The following CNGB3 variants were observed in gnomAD, a reference collection of about 807,000 sequenced individuals.
The protein encoded by CNGB3 is cyclic nucleotide gated channel subunit beta 3.
Under a neutral mutation model 92.8 loss-of-function variants are expected in CNGB3, and 86 were observed. The observed-to-expected ratio is 0.93, with a 90% CI of 0.78 to 1.11. The LOEUF (loss-of-function observed/expected upper bound fraction) is 1.11, where lower values mean the gene tolerates loss of function less well. CNGB3 is among the 50% of genes least tolerant of loss of function. The pLI is 0.00. For synonymous variants in CNGB3, 333 were observed against 332.7 expected, an observed-to-expected ratio of 1.00 and a Z score of -0.01; for missense variants, 1,026 against 956.8, an observed-to-expected ratio of 1.07 and a Z score of -0.95.
intron 13 of CNGB3, among the ~76,000 whole-genome samples, chr8:86,621,921 G>T (rs530808438): frequency 6.6e-6 from 1 of 152,162 alleles, no homozygotes; most frequent in South Asian, 2.1e-4. Flanking sequence ...AAATTAGCTG[G>T]GCATGGTGGC....
At chr8:86,593,850 C>T (rs1585955879) in intron 15 of CNGB3, 2 of 846,540 alleles carry the variant, frequency 2.4e-6, no homozygotes, top group East Asian at 2.9e-5. Flanking sequence ...AAATTGAACT[C>T]CTGGACCCCG....
chr8:86,663,499 C>T (rs1038531404), intron 6 of CNGB3, among the ~76,000 whole-genome samples: 7 of 152,202 alleles, frequency 4.6e-5, no homozygotes, highest in African/African-American at 1.7e-4. Context: ...AATCTGTTGT[C>T]TGTTACTTGC....
chr8:86,737,485 G>A (rs779877659), intron 2 of CNGB3, among the ~76,000 whole-genome samples: 4 of 151,914 alleles, frequency 2.6e-5, no homozygotes, highest in Non-Finnish European at 5.9e-5. Context: ...TGTTCAGAGC[G>A]GTCCTTTTTT....
intron 9 of CNGB3, among the ~76,000 whole-genome samples, chr8:86,644,095 G>T (rs532644140): frequency 1.3e-5 from 2 of 150,950 alleles, no homozygotes; most frequent in South Asian, 4.2e-4. Flanking sequence ...AAAAGAAAAA[G>T]AAAACTTCCT....
chr8:86,579,012 AG>A, intron 16 of CNGB3, 93 bp downstream of exon 16: 1 of 1,569,138 alleles, frequency 6.4e-7, no homozygotes, highest in Non-Finnish European at 8.8e-7. Flanking sequence ...ACTGTGATCA[AG>A]TTTATCACAA....
intron 4 of CNGB3, among the ~76,000 whole-genome samples, chr8:86,669,595 A>T (rs558943046): frequency 1.3e-5 from 2 of 152,296 alleles, no homozygotes; most frequent in African/African-American, 4.8e-5. Flanking sequence ...ATATATCTTT[A>T]TCGAAGTATA....
intron 6 of CNGB3, chr8:86,661,728 G>A: frequency 1.3e-6 from 2 of 1,541,050 alleles, no homozygotes; most frequent in Non-Finnish European, 1.8e-6. Flanking sequence ...ATGGGTAGTG[G>A]TTGATCTAGC....
At chr8:86,582,203 G>A (rs546352621) in intron 15 of CNGB3, among the ~76,000 whole-genome samples, 15 of 152,118 alleles carry the variant, frequency 9.9e-5, no homozygotes, top group South Asian at 4.1e-4. Flanking sequence ...AGACCAGCCT[G>A]GGCAACATGG....
chr8:86,587,418 T>A (rs555603831), intron 15 of CNGB3, among the ~76,000 whole-genome samples: 108 of 152,238 alleles, frequency 7.1e-4, no homozygotes, highest in African/African-American at 2.4e-3. Flanking sequence ...TGCCCATGCC[T>A]ATGTCCTGAA....
rs1822839562 is a variant in CNGB3 at position 86,626,031 on chromosome 8, G to A, written c.1530C>T (p.Leu510=). The A allele has an allele frequency of 1.2e-6, 2 of 1,613,832 alleles. No individual in the cohort carries two copies. The highest frequency in any genetic ancestry group is 1.3e-5 in the African/African-American group (1 of 75,014). ...KTLPTTVQLA[L]AIDVNFSIIS... ...TGATGCTGAAGTTCACATCAATGGC[G>A]AGGGCTAACTGGACCGTAGTTGGTA... is the stretch of plus-strand genomic sequence containing the variant. The change falls in exon 13 of 18, where the codon CTC becomes CTT. Residue 510 remains leucine (L), a synonymous_variant. Transcript: ENST00000320005.
Position 86,628,942 on chromosome 8 carries a change from G to A in CNGB3, c.1457C>T (p.Thr486Ile), listed in dbSNP as rs1439140173. Residue 486 changes from threonine (T) to isoleucine (I), a missense_variant, in exon 12 of 18, where the codon ACA (threonine) becomes ATA (isoleucine). Thr to Ile is a moderately conservative substitution (Grantham distance 89). Transcript: ENST00000320005. ...ACCTAGCATTCTTTGAGAGTCCCAT[G>A]TATATTCATACCAAGTCCGAACTCG... ...QKRVRTWYEY[T>I]WDSQRMLDES... is the part of the protein sequence containing the mutation. 2 of 1,613,874 alleles carry A rather than the reference G, an allele frequency of 1.2e-6. No homozygotes were observed. Among genetic ancestry groups the A allele is most frequent in the South Asian group, 2.2e-5 (2 of 91,084 alleles).
intron 15 of CNGB3, among the ~76,000 whole-genome samples, chr8:86,583,754 T>C (rs1821837328): frequency 6.6e-6 from 1 of 151,676 alleles, no homozygotes; most frequent in Non-Finnish European, 1.5e-5. Context: ...ATCCCATCTC[T>C]ACAAAAAATA....
intron 7 of CNGB3, among the ~76,000 whole-genome samples, chr8:86,652,580 T>C (rs1028648682): frequency 6.6e-6 from 1 of 151,992 alleles, no homozygotes; most frequent in Non-Finnish European, 1.5e-5. Context: ...TTTTAAAATG[T>C]TTTTATTTTT....
At chr8:86,735,225 C>T (rs1825229812) in intron 2 of CNGB3, among the ~76,000 whole-genome samples, 1 of 146,204 alleles carries the variant, frequency 6.8e-6, no homozygotes, top group South Asian at 2.2e-4. Context: ...TCCCTGCAAG[C>T]TCCGCTTCCA....
intron 15 of CNGB3, among the ~76,000 whole-genome samples, chr8:86,595,012 G>A (rs1220910163): frequency 6.6e-6 from 1 of 152,094 alleles, no homozygotes; most frequent in Non-Finnish European, 1.5e-5. Flanking sequence ...GTGAGCCACC[G>A]CACCCAGCTG....
rs1825065403 is a variant in CNGB3, at chr8:86,726,631, C to A, written c.238G>T (p.Gly80Ter). ...GGGTCAGGGTTTGTGGTCAGATCTC[C>A]AGAGGAATTTTTCTTGGAGAGTTTG... is the stretch of plus-strand genomic sequence containing the variant. ...QDKLSKKNSS[G>*]DLTTNPDPQN... The change falls in exon 3 of 18, where the codon GGA becomes TGA. Residue 80 changes from glycine (G) to a stop codon, truncating the protein, a stop_gained. Transcript: ENST00000320005. LOFTEE classifies it high-confidence loss of function. 6.2e-7 allele frequency: 1 copy of A among 1,613,526 alleles called. No homozygotes were observed. The highest frequency in any genetic ancestry group is 1.3e-5 in the African/African-American group (1 of 74,896).
At chr8:86,593,438 CTA>C (rs1249828952) in intron 15 of CNGB3, among the ~76,000 whole-genome samples, 3 of 152,192 alleles carry the variant, frequency 2.0e-5, no homozygotes, top group Non-Finnish European at 2.9e-5. Flanking sequence ...AACCAGGTAA[CTA>C]TGTGAAATAT....
intron 11 of CNGB3, among the ~76,000 whole-genome samples, chr8:86,632,237 A>G (rs1347317100): frequency 6.6e-6 from 1 of 151,394 alleles, no homozygotes; most frequent in Non-Finnish European, 1.5e-5. Context: ...ATCCTTTGTA[A>G]GTGCCAACTA....
rs1823777913 is a variant in CNGB3, at chr8:86,668,048, T to C, written c.614A>G (p.Lys205Arg). ...GTATGAATCTATGCTGTTTGGAAGT[T>C]TAATTCGCTTTAAGTACTCTGTTAA... The part of the protein sequence containing the change: ...MPLTEYLKRI[K>R]LPNSIDSYTD... The change falls in exon 5 of 18, where the codon AAA (lysine) becomes AGA (arginine). Residue 205 changes from lysine (K) to arginine (R), a missense_variant. Physicochemically the swap from Lys to Arg is conservative, Grantham distance 26. Transcript: ENST00000320005. The C allele has an allele frequency of 1.2e-6, 2 of 1,614,136 alleles. No individual in the cohort carries two copies. Among genetic ancestry groups the C allele is most frequent in the Non-Finnish European group, 1.7e-6 (2 of 1,180,016 alleles).
Sources: allele counts gnomAD v4.1 joint callset (sites outside exome capture counted in the v4.1 genomes callset), GRCh38; gene constraint gnomAD v4.1.1; transcripts MANE v1.5; gene names NCBI Gene and HGNC (gene_info 2026-07-23, HGNC 2026-07-21).